The following TRAPPC12 variants were observed in gnomAD, a reference collection of about 807,000 sequenced individuals.
TRAPPC12 encodes the protein TPR repeat protein 15.
A neutral mutation model predicts 69.2 loss-of-function variants in TRAPPC12; 61 were observed. That is an observed-to-expected ratio of 0.88 (90% CI 0.72 to 1.09). TRAPPC12 has a LOEUF of 1.09. Among genes scored for constraint, TRAPPC12 ranks in the 50% least tolerant of loss-of-function variants. The pLI is 0.00. For synonymous variants in TRAPPC12, 469 were observed against 438.9 expected (o/e 1.07, Z -0.86); for missense variants, 1,101 against 1,016.4 (o/e 1.08, Z -1.13).
intron 5 of TRAPPC12, among the ~76,000 whole-genome samples, chr2:3,425,358 G>A (rs765916410): frequency 3.9e-5 from 6 of 152,242 alleles, no homozygotes; most frequent in African/African-American, 1.4e-4. Context: ...TGTGAGGGCA[G>A]TGTAAGCAGC....
intron 5 of TRAPPC12, among the ~76,000 whole-genome samples, chr2:3,435,134 TC>T (rs1189169241): frequency 5.3e-5 from 8 of 152,174 alleles, no homozygotes; most frequent in African/African-American, 1.9e-4. Flanking sequence ...TGCCTCAGCC[TC>T]CCGAGTAGCT....
intron 9 of TRAPPC12, among the ~76,000 whole-genome samples, chr2:3,477,062 C>T (rs1013936761): frequency 6.6e-6 from 1 of 152,322 alleles, no homozygotes; most frequent in African/African-American, 2.4e-5. Context: ...CTTTGTAAAA[C>T]CAAGCTGTGG....
At chr2:3,443,561 C>T (rs1664337762) in intron 5 of TRAPPC12, among the ~76,000 whole-genome samples, 2 of 152,204 alleles carry the variant, frequency 1.3e-5, no homozygotes, top group Non-Finnish European at 2.9e-5. Flanking sequence ...TGTCATCCAC[C>T]TGTCTCCTCT....
chr2:3,443,491 C>T (rs1167881040), intron 5 of TRAPPC12, among the ~76,000 whole-genome samples: 1 of 152,202 alleles, frequency 6.6e-6, no homozygotes, highest in East Asian at 1.9e-4. Context: ...GCGGTCTCTA[C>T]TGTTTCATTC....
Position 3,414,453 on chromosome 2 carries a change from C to T in TRAPPC12, c.1165-7428C>T, listed in dbSNP as rs948052974. On this transcript the variant is annotated intron_variant, in intron 3 of 11. Transcript: ENST00000324266. This position sits in a 1 kb window ranked among gnomAD's most constrained non-coding sequence, Gnocchi z 4.9. ...CAAAGCCCCCCGGGTTCTTGTCCTC[C>T]CCCCTGCCGCCACCCTGGGGTCTGC... Among the ~76,000 whole-genome samples the T allele has an allele frequency of 7.9e-5, 12 of 152,048 alleles. No homozygotes were observed. The highest frequency in any genetic ancestry group is 5.9e-5 in the Non-Finnish European group (4 of 68,004).
At chr2:3,435,885 C>T (rs1278095033) in intron 5 of TRAPPC12, among the ~76,000 whole-genome samples, 4 of 152,094 alleles carry the variant, frequency 2.6e-5, no homozygotes, top group Admixed American at 6.5e-5. Flanking sequence ...TGTATAGTAC[C>T]GATTACCTGT....
chr2:3,465,927 C>G, intron 9 of TRAPPC12: 1 of 572,586 alleles, frequency 1.7e-6, no homozygotes, highest in Non-Finnish European at 3.1e-6. Flanking sequence ...CAGAAAGTGT[C>G]ATCACAGCCA....
chr2:3,388,587 G>C lies in TRAPPC12; in HGVS notation c.964G>C (p.Ala322Pro). ...CGAGGCTACGCGTGGAGTCCTGCGGGCCGTGGCCACCCAGCAGCGCGGCGC... is the reference window on the plus strand; with the variant it reads ...CGAGGCTACGCGTGGAGTCCTGCGGCCCGTGGCCACCCAGCAGCGCGGCGC... The part of the protein sequence containing the change: ...PGEATRGVLR[A>P]VATQQRGAVF... The change falls in exon 2 of 12, where the codon GCC becomes CCC. Residue 322 changes from alanine (A) to proline (P), a missense_variant. Physicochemically the swap from Ala to Pro is conservative, Grantham distance 27. Transcript: ENST00000324266. The C allele has an allele frequency of 6.2e-7, 1 of 1,611,032 alleles. No homozygotes were observed. The highest frequency in any genetic ancestry group is 8.5e-7 in the Non-Finnish European group (1 of 1,178,722).
intron 3 of TRAPPC12, among the ~76,000 whole-genome samples, chr2:3,402,519 C>T (rs982092394): frequency 2.6e-5 from 4 of 151,868 alleles, no homozygotes; most frequent in African/African-American, 9.7e-5. Flanking sequence ...AACTGGGACC[C>T]GGGAGGTGGA....
At position 3,388,038 on chromosome 2, in the gene TRAPPC12, G is replaced by A; in HGVS notation, c.415G>A (p.Val139Ile). Residue 139 changes from valine (V) to isoleucine (I), a missense_variant, in exon 2 of 12, where the codon GTC becomes ATC. Transcript: ENST00000324266. ...CCCGAGGCAGGACGCGGCCCGCGAG[G>A]TCCCAGGCAGCGAAGCCGCGCGCCC... ...GAPRQDAARE[V>I]PGSEAARPEQ... is the part of the protein sequence containing the mutation. The A allele has an allele frequency of 7.4e-6, 11 of 1,495,744 alleles. 1 individual carries two copies. In the Middle Eastern group the frequency reaches 2.2e-3, roughly 302 times the overall value. The allele number at this position is 1,495,744 out of a possible 1,614,324, so 92.7% of individuals were successfully genotyped here. A position where few individuals can be genotyped will look rare whatever the true frequency, so the allele number is the denominator to read the frequency against.
At chr2:3,436,449 C>T (rs866349789) in intron 5 of TRAPPC12, among the ~76,000 whole-genome samples, 5 of 151,996 alleles carry the variant, frequency 3.3e-5, no homozygotes, top group African/African-American at 7.3e-5. Flanking sequence ...ACAGAAAAAT[C>T]GAGTAGAGAG....
At position 3,387,689 on chromosome 2, in the gene TRAPPC12, G is replaced by A. The variant is rs926826720; in HGVS notation, c.66G>A (p.Ala22=). ...APEAPHPPQL[A]PPEEQGLLFQ... Reference sequence around the variant, plus strand: ...AGGCCCCGCACCCCCCTCAGCTCGCGCCTCCGGAGGAGCAGGGGTTGCTCT... The same window carrying A: ...AGGCCCCGCACCCCCCTCAGCTCGCACCTCCGGAGGAGCAGGGGTTGCTCT... Residue 22 remains alanine (A), a synonymous_variant, in exon 2 of 12, where the codon GCG becomes GCA. Coordinates refer to ENST00000324266, the MANE Select transcript of TRAPPC12 (RefSeq NM_016030.6). The A allele has an allele frequency of 3.2e-6, 5 of 1,569,854 alleles. No homozygotes were observed. Among genetic ancestry groups the A allele is most frequent in the East Asian group, 2.4e-5 (1 of 41,634 alleles).
At chr2:3,410,556 T>C (rs1345796747) in intron 3 of TRAPPC12, among the ~76,000 whole-genome samples, 4 of 152,248 alleles carry the variant, frequency 2.6e-5, no homozygotes, top group Non-Finnish European at 5.9e-5. Context: ...TTATTACACA[T>C]GTAAATGTTT....
At chr2:3,423,831 C>T (rs1037464093) in intron 4 of TRAPPC12, among the ~76,000 whole-genome samples, 31 of 152,318 alleles carry the variant, frequency 2.0e-4, no homozygotes, top group Admixed American at 1.8e-3. Context: ...AAGTCTCTGG[C>T]TCTGCAGCTG....
Position 3,388,571 on chromosome 2 carries a change from G to C in TRAPPC12, c.948G>C (p.Thr316=), listed in dbSNP as rs776249542. Residue 316 remains threonine (T), a synonymous_variant, in exon 2 of 12, where the codon ACG becomes ACC. Transcript: ENST00000324266. Reference sequence around the variant, plus strand: ...ACGCCTGGCTTCCCGGCGAGGCTACGCGTGGAGTCCTGCGGGCCGTGGCCA... The same window carrying C: ...ACGCCTGGCTTCCCGGCGAGGCTACCCGTGGAGTCCTGCGGGCCGTGGCCA... ...RNDAWLPGEA[T]RGVLRAVATQ... The C allele has an allele frequency of 1.9e-6, 3 of 1,612,612 alleles. No individual in the cohort carries two copies. In the South Asian group the frequency reaches 3.3e-5, roughly 18 times the overall value.
chr2:3,413,182 A>G (rs899015265), intron 3 of TRAPPC12, among the ~76,000 whole-genome samples: 1 of 152,198 alleles, frequency 6.6e-6, no homozygotes, highest in African/African-American at 2.4e-5. Flanking sequence ...TAACCACTGC[A>G]TACCCTCTTT....
chr2:3,394,595 T>C (rs1179299819), intron 2 of TRAPPC12, among the ~76,000 whole-genome samples: 1 of 151,108 alleles, frequency 6.6e-6, no homozygotes, highest in African/African-American at 2.4e-5. Flanking sequence ...CATTCCAGCC[T>C]GCGCAACAGA....
At position 3,388,689 on chromosome 2, in the gene TRAPPC12, C is replaced by G. The variant is rs558722663; in HGVS notation, c.1047+19C>G. Reference sequence around the variant, plus strand: ...CATCCAGGTGAGCCCGGGTCTCCCACCTCCGCAGCCCGTGCCTCCTCTCTG... The same window carrying G: ...CATCCAGGTGAGCCCGGGTCTCCCAGCTCCGCAGCCCGTGCCTCCTCTCTG... On this transcript the variant is annotated intron_variant, in intron 2 of 11. Transcript: ENST00000324266. 1.9e-5 allele frequency: 28 copies of G among 1,513,112 alleles called. No homozygotes were observed. In the African/African-American group the frequency reaches 3.2e-4, roughly 17 times the overall value. 93.7% of individuals were successfully genotyped at this position (1,513,112 alleles called of 1,614,324 possible).
chr2:3,453,210 C>T (rs1298889813), intron 6 of TRAPPC12, among the ~76,000 whole-genome samples: 4 of 152,184 alleles, frequency 2.6e-5, no homozygotes, highest in African/African-American at 4.8e-5. Flanking sequence ...AACCATCCTG[C>T]GCCCCCATCT....
Sources: allele counts gnomAD v4.1 joint callset (sites outside exome capture counted in the v4.1 genomes callset), GRCh38; gene constraint gnomAD v4.1.1; non-coding constraint Gnocchi (gnomAD v3.1); transcripts MANE v1.5; gene names NCBI Gene and HGNC (gene_info 2026-07-23, HGNC 2026-07-21).